BAIAP2L1: variants seen among roughly 807,000 people sequenced by gnomAD.
BAIAP2L1 encodes the protein BAR/IMD domain containing adaptor protein 2 like 1, also known as BAR/IMD domain-containing adapter protein 2-like 1.
Under a neutral mutation model 66.3 loss-of-function variants are expected in BAIAP2L1, and 35 were observed. The observed-to-expected ratio is 0.53, with a 90% CI of 0.40 to 0.70. The LOEUF (loss-of-function observed/expected upper bound fraction) is 0.70. BAIAP2L1 is among the 30% of genes least tolerant of loss of function. The pLI is 0.00. For synonymous variants in BAIAP2L1, 269 were observed against 248.7 expected (o/e 1.08, Z -0.77); for missense variants, 622 against 656.9 (o/e 0.95, Z 0.58).
intron 2 of BAIAP2L1, among the ~76,000 whole-genome samples, chr7:98,361,731 ATT>A (rs1312081520): frequency 6.6e-6 from 1 of 152,104 alleles, no homozygotes; most frequent in Non-Finnish European, 1.5e-5. Context: ...GCTAAAAAAA[ATT>A]TCTTCTTTTT....
chr7:98,361,583 C>T (rs1265368960), intron 2 of BAIAP2L1, among the ~76,000 whole-genome samples: 2 of 151,926 alleles, frequency 1.3e-5, no homozygotes, highest in Non-Finnish European at 2.9e-5. Flanking sequence ...TGATTGCTAG[C>T]GTTTTTAAGG....
intron 1 of BAIAP2L1, among the ~76,000 whole-genome samples, chr7:98,389,239 G>A (rs186882695): frequency 3.9e-5 from 6 of 152,262 alleles, no homozygotes; most frequent in Non-Finnish European, 1.5e-5. Flanking sequence ...TGCTGGATTA[G>A]GGTAGCTGGT....
At position 98,293,329 on chromosome 7, in the gene BAIAP2L1, C is replaced by T; in HGVS notation, c.*192G>A. On this transcript the variant is annotated 3_prime_UTR_variant, in exon 14 of 14. Transcript: ENST00000005260. ...CTGAGCTGGTCATTAGACTATTACT[C>T]ATTTATCTTAAAGGCAGAAACTTGT... 1.8e-6 allele frequency: 1 copy of T among 546,892 alleles called. No homozygotes were observed. The highest frequency in any genetic ancestry group is 2.8e-5 in the East Asian group (1 of 35,514). The allele number at this position is 546,892 out of a possible 1,614,324, so 33.9% of individuals were successfully genotyped here.
intron 3 of BAIAP2L1, among the ~76,000 whole-genome samples, chr7:98,332,809 CA>C (rs55756451): frequency 0.01 from 841 of 83,672 alleles, 1 homozygote; most frequent in African/African-American, 0.023. Flanking sequence ...ACTTCGTCCC[CA>C]AAAAAAAAAA....
At position 98,362,402 on chromosome 7, in the gene BAIAP2L1, G is replaced by A. The variant is rs199641849; in HGVS notation, c.82C>T (p.Arg28Ter). The change falls in exon 2 of 14, where the codon CGA (arginine) becomes TGA (stop). Residue 28 changes from arginine to a stop codon, truncating the protein, a stop_gained. Coordinates refer to ENST00000005260, the MANE Select transcript of BAIAP2L1 (RefSeq NM_018842.5). LOFTEE classifies it high-confidence loss of function. ...NVMEQFNPGL[R>*]NLINLGKNYE... The stretch of plus-strand genomic sequence containing the variant: ...TTTTTCCCCAGGTTTATTAAATTTC[G>A]CAGCCCAGGATTGAACTGTTCCATA... 6.8e-6 allele frequency: 11 copies of A among 1,612,312 alleles called. No homozygotes were observed. The highest frequency in any genetic ancestry group is 2.2e-5 in the East Asian group (1 of 44,854).
intron 1 of BAIAP2L1, among the ~76,000 whole-genome samples, chr7:98,366,224 TCAG>T (rs140394772): frequency 0.024 from 3,681 of 152,264 alleles, 144 homozygotes; most frequent in African/African-American, 0.084. Flanking sequence ...TCCTCTGTTT[TCAG>T]CTCAGAGTTC....
intron 1 of BAIAP2L1, among the ~76,000 whole-genome samples, chr7:98,379,109 C>G: frequency 6.6e-6 from 1 of 152,064 alleles, no homozygotes; most frequent in East Asian, 1.9e-4. Context: ...GAATTCCTGA[C>G]CTCAGGCGAT....
At position 98,304,316 on chromosome 7, in the gene BAIAP2L1, G is replaced by A. The variant is rs1307692757; in HGVS notation, c.1302C>T (p.Ile434=). 5.0e-6 allele frequency: 8 copies of A among 1,613,472 alleles called. No homozygotes were observed. Among genetic ancestry groups the A allele is most frequent in the Non-Finnish European group, 6.8e-6 (8 of 1,179,672 alleles). The change falls in exon 12 of 14, where the codon ATC becomes ATT. Residue 434 remains isoleucine, a synonymous_variant. Coordinates refer to ENST00000005260, the MANE Select transcript of BAIAP2L1 (RefSeq NM_018842.5). ...VNLSENSSVV[I]PPPDYLECLS... ...AGCATTCCAAGTAGTCGGGTGGGGGGATGACAACACTGCTATTCTCAGACA... is the reference window on the plus strand; with the variant it reads ...AGCATTCCAAGTAGTCGGGTGGGGGAATGACAACACTGCTATTCTCAGACA...
At position 98,312,091 on chromosome 7, in the gene BAIAP2L1, T is replaced by C; in HGVS notation, c.807+6A>G. 6.3e-7 allele frequency: 1 copy of C among 1,588,016 alleles called. No homozygotes were observed. The highest frequency in any genetic ancestry group is 8.6e-7 in the Non-Finnish European group (1 of 1,169,454). On this transcript the variant is annotated splice_donor_region_variant and intron_variant, in intron 8 of 13. Coordinates refer to ENST00000005260, the MANE Select transcript of BAIAP2L1 (RefSeq NM_018842.5). ...TTGAAATCTGGAAGAGAAAACTGGC[T>C]CCTACCACATTGCTTCTCTCGATCA... is the stretch of plus-strand genomic sequence containing the variant.
intron 12 of BAIAP2L1, among the ~76,000 whole-genome samples, chr7:98,298,259 T>C (rs1800271716): frequency 6.6e-6 from 1 of 152,080 alleles, no homozygotes. Flanking sequence ...AGCATTCCAG[T>C]GTCACACGAC....
intron 1 of BAIAP2L1, among the ~76,000 whole-genome samples, chr7:98,396,140 C>T (rs929800212): frequency 2.6e-5 from 4 of 152,094 alleles, no homozygotes; most frequent in Admixed American, 1.3e-4. Flanking sequence ...GGCACCATTT[C>T]AGTACTGCAA....
chr7:98,320,180 A>G (rs755290987), intron 4 of BAIAP2L1, 51 bp from the exon 5 acceptor site: 7 of 1,590,784 alleles, frequency 4.4e-6, no homozygotes, highest in East Asian at 2.2e-5. Flanking sequence ...TTTAAGCAAA[A>G]TAAGTTCTAA....
At chr7:98,400,470 A>T in intron 1 of BAIAP2L1, 1 of 291,544 alleles carries the variant, frequency 3.4e-6, no homozygotes, top group Non-Finnish European at 6.0e-6. Flanking sequence ...GGGGCAGGGG[A>T]GGAGGGAGAG....
chr7:98,373,021 C>T (rs188004970), intron 1 of BAIAP2L1, among the ~76,000 whole-genome samples: 23 of 152,200 alleles, frequency 1.5e-4, no homozygotes, highest in Non-Finnish European at 2.5e-4. Flanking sequence ...ACTACAGGTG[C>T]GAGCCAGCAC....
intron 1 of BAIAP2L1, among the ~76,000 whole-genome samples, chr7:98,374,344 A>G (rs1165846296): frequency 1.3e-5 from 2 of 152,172 alleles, no homozygotes; most frequent in African/African-American, 4.8e-5. Context: ...AACATTTTAC[A>G]TGGATTGTCT....
At chr7:98,366,610 TA>T (rs1562786480) in intron 1 of BAIAP2L1, among the ~76,000 whole-genome samples, 1 of 152,206 alleles carries the variant, frequency 6.6e-6, no homozygotes, top group Non-Finnish European at 1.5e-5. Context: ...GTATTGTTTT[TA>T]ATTCCTTTGC....
At chr7:98,294,738 A>T (rs1370942474) in intron 12 of BAIAP2L1, among the ~76,000 whole-genome samples, 1 of 152,170 alleles carries the variant, frequency 6.6e-6, no homozygotes, top group Middle Eastern at 3.2e-3. Context: ...AGAAACAGGA[A>T]ATAAAAATAA....
At chr7:98,332,382 C>CAAAAAAAAAAAAAAAAAAAAAAAAAAAAA (rs55987839) in intron 3 of BAIAP2L1, among the ~76,000 whole-genome samples, 1 of 27,752 alleles carries the variant, frequency 3.6e-5, no homozygotes, top group Non-Finnish European at 5.5e-5. Flanking sequence ...GACTCCATCT[C>CAAAAAAAAAAAAAAAAAAAAAAAAAAAAA]AAAAAAAAAA....
chr7:98,345,591 G>C (rs1584473236), intron 3 of BAIAP2L1, among the ~76,000 whole-genome samples: 1 of 151,866 alleles, frequency 6.6e-6, no homozygotes, highest in Non-Finnish European at 1.5e-5. Context: ...TGGGTGTGGT[G>C]GGGGGGTACT....
Sources: gnomAD v4.1 joint callset for allele counts (sites outside exome capture counted in the v4.1 genomes callset) on GRCh38, gnomAD v4.1.1 for gene constraint, MANE v1.5 for transcripts, NCBI Gene and HGNC (gene_info 2026-07-23, HGNC 2026-07-21) for gene names.